APC: variants seen among roughly 807,000 people sequenced by gnomAD.
APC encodes adenomatous polyposis coli protein.
A neutral mutation model predicts 247.0 loss-of-function variants in APC; 72 were observed. The observed-to-expected ratio is 0.29, with a 90% CI of 0.24 to 0.35. APC has a LOEUF of 0.35. APC is among the 10% of genes least tolerant of loss of function. The pLI is 1.00. For missense variants in APC, 3,400 were observed against 3,360.7 expected (o/e 1.01, Z -0.29); for synonymous variants, 1,254 against 1,162.5 (o/e 1.08, Z -1.60).
At position 112,784,892 on chromosome 5, in the gene APC, C is replaced by G. The variant is rs138744960; in HGVS notation, c.645+3989C>G. ...CCTGTAATCCCAGCACTTTGGGAGG[C>G]TGACGCAAGAGGATCACAAGTTAGC... On this transcript the variant is annotated intron_variant, in intron 6 of 15. Transcript: ENST00000257430. Among the ~76,000 whole-genome samples the G allele has an allele frequency of 4.4e-3, 671 of 152,218 alleles. 7 individuals carry two copies. Among genetic ancestry groups the G allele is most frequent in the African/African-American group, 0.016 (648 of 41,512 alleles).
At chr5:112,756,409 T>A (rs1014021463) in intron 2 of APC, among the ~76,000 whole-genome samples, 2 of 152,240 alleles carry the variant, frequency 1.3e-5, no homozygotes, top group Non-Finnish European at 2.9e-5. Flanking sequence ...TAAAAAGACT[T>A]GCATTAGTTG....
At chr5:112,807,907 C>T (rs1034365036) in intron 8 of APC, among the ~76,000 whole-genome samples, 1 of 152,170 alleles carries the variant, frequency 6.6e-6, no homozygotes, top group Non-Finnish European at 1.5e-5. Context: ...GTAATCTCAG[C>T]ATTTCCAGAG....
At chr5:112,831,782 A>G (rs78105814) in intron 14 of APC, among the ~76,000 whole-genome samples, 2,488 of 152,332 alleles carry the variant, frequency 0.016, 43 homozygotes, top group Non-Finnish European at 0.021. Context: ...GTTCTCTAGA[A>G]GAAGCCCAAT....
At chr5:112,749,302 G>C (rs904508610) in intron 1 of APC, among the ~76,000 whole-genome samples, 1 of 151,940 alleles carries the variant, frequency 6.6e-6, no homozygotes, top group African/African-American at 2.4e-5. Context: ...GGTTAGATTG[G>C]CTTCATGGAA....
intron 11 of APC, among the ~76,000 whole-genome samples, chr5:112,824,203 A>G (rs920005254): frequency 2.6e-5 from 4 of 152,218 alleles, no homozygotes; most frequent in African/African-American, 9.7e-5. Context: ...CTGTTTTCTA[A>G]CAGGCACCAA....
chr5:112,712,834 G>C (rs1362980688), intron 1 of APC, among the ~76,000 whole-genome samples: 1 of 152,080 alleles, frequency 6.6e-6, no homozygotes, highest in Non-Finnish European at 1.5e-5. Context: ...ATCTTGTTTA[G>C]TTAGGCCCCC....
At chr5:112,818,843 TTG>T in intron 9 of APC, 121 bp from the exon 10 acceptor site, 3 of 910,654 alleles carry the variant, frequency 3.3e-6, no homozygotes, top group Admixed American at 5.6e-5. Context: ...TGTTTTTTTT[TTG>T]GCGGGGGGGG....
rs1766425645 is a variant in APC at position 112,842,837 on chromosome 5, G to A, written c.7243G>A (p.Glu2415Lys). ...TGGTAATGGAGCCAATAAAAAGGTA[G>A]AACTTTCTAGAATGTCTTCAACTAA... is the stretch of plus-strand genomic sequence containing the variant. ...NNGNGANKKV[E>K]LSRMSSTKSS... Residue 2415 changes from glutamate to lysine, a missense_variant, in exon 16 of 16, where the codon GAA becomes AAA. Coordinates refer to ENST00000257430, the MANE Select transcript of APC (RefSeq NM_000038.6). 6.2e-7 allele frequency: 1 copy of A among 1,613,802 alleles called. No homozygotes were observed. Among genetic ancestry groups the A allele is most frequent in the Non-Finnish European group, 8.5e-7 (1 of 1,179,870 alleles).
At chr5:112,808,512 G>A (rs1479608594) in intron 8 of APC, among the ~76,000 whole-genome samples, 2 of 152,024 alleles carry the variant, frequency 1.3e-5, no homozygotes, top group Admixed American at 6.6e-5. Flanking sequence ...AGAGTGCAGT[G>A]GCAAAGCTCA....
Position 112,775,381 on chromosome 5 carries a change from G to A in APC, c.423-248G>A, listed in dbSNP as rs1757505770. On this transcript the variant is annotated intron_variant, in intron 4 of 15. Coordinates refer to ENST00000257430, the MANE Select transcript of APC (RefSeq NM_000038.6). The stretch of plus-strand genomic sequence containing the variant: ...ATATGAAGAAAGCCTTTGGTGAAGT[G>A]TAAGTATTCTTTTAAGGATGATTAC... 2.0e-5 allele frequency among the ~76,000 whole-genome samples: 3 copies of A among 152,028 alleles called. No homozygotes were observed. In the South Asian group the frequency reaches 6.2e-4, roughly 31 times the overall value.
intron 11 of APC, chr5:112,823,174 T>C (rs1056177009): frequency 6.6e-6 from 1 of 152,648 alleles, no homozygotes; most frequent in African/African-American, 2.4e-5. Flanking sequence ...AAACATTCAG[T>C]TTTAAGATAC....
At chr5:112,827,054 C>A (rs936345750) in intron 11 of APC, 54 bp from the exon 12 acceptor site, 1 of 1,581,032 alleles carries the variant, frequency 6.3e-7, no homozygotes, top group Admixed American at 1.7e-5. Flanking sequence ...AACTTGGTAC[C>A]AGTTTGTTTT....
intron 1 of APC, among the ~76,000 whole-genome samples, chr5:112,712,020 A>G (rs1388905563): frequency 1.3e-5 from 2 of 152,338 alleles, no homozygotes; most frequent in Non-Finnish European, 2.9e-5. Flanking sequence ...AACATAGATC[A>G]TGCTGCCAAA....
In APC at chr5:112,814,936, C is replaced by T. The variant is rs574925576; in HGVS notation, c.835-559C>T. 1.4e-3 allele frequency among the ~76,000 whole-genome samples: 214 copies of T among 152,332 alleles called. 3 individuals are homozygous for T. Among genetic ancestry groups the T allele is most frequent in the African/African-American group, 5.0e-3 (209 of 41,572 alleles). ...GATTTTATACAGCCTCTAATAGTCC[C>T]TATGCAGTAATTTCTTTCTTCCTGT... On this transcript the variant is annotated intron_variant, in intron 8 of 15. Transcript: ENST00000257430.
chr5:112,812,079 G>A (rs1762044191), intron 8 of APC, among the ~76,000 whole-genome samples: 1 of 152,182 alleles, frequency 6.6e-6, no homozygotes. Flanking sequence ...GAACAAGAGA[G>A]GTGCCCAAGA....
rs1410551734 is a variant in APC at position 112,844,267 on chromosome 5, C to T, written c.*141C>T. ...TGTTAGAGGGTTTTTGTTCTGGAAG[C>T]CATATTTGATAGTATACTTTGTCTT... On this transcript the variant is annotated 3_prime_UTR_variant, in exon 16 of 16. Coordinates refer to ENST00000257430, the MANE Select transcript of APC (RefSeq NM_000038.6). The T allele has an allele frequency of 6.2e-6, 5 of 805,296 alleles. No individual in the cohort carries two copies. Among genetic ancestry groups the T allele is most frequent in the Admixed American group, 5.5e-5 (2 of 36,664 alleles). 49.9% of individuals were successfully genotyped at this position (805,296 alleles called of 1,614,324 possible). A position where few individuals can be genotyped will look rare whatever the true frequency, so the allele number is the denominator to read the frequency against.
At chr5:112,772,306 G>T (rs1011675628) in intron 4 of APC, among the ~76,000 whole-genome samples, 1 of 152,102 alleles carries the variant, frequency 6.6e-6, no homozygotes, top group Non-Finnish European at 1.5e-5. Context: ...AACTGCTGTT[G>T]TGTGAGTCAC....
At chr5:112,823,382 C>T (rs1478997280) in intron 11 of APC, 1 of 152,644 alleles carries the variant, frequency 6.6e-6, no homozygotes, top group African/African-American at 2.4e-5. Flanking sequence ...GATGGGGCCT[C>T]TGGGGGTGTG....
chr5:112,735,152 A>G (rs1351696611), upstream of APC, among the ~76,000 whole-genome samples: 1 of 152,102 alleles, frequency 6.6e-6, no homozygotes, highest in Non-Finnish European at 1.5e-5. Context: ...GTGTTACACA[A>G]TTTATTTCTG....
Sources: gnomAD v4.1 joint callset for allele counts (sites outside exome capture counted in the v4.1 genomes callset) on GRCh38, gnomAD v4.1.1 for gene constraint, MANE v1.5 for transcripts, NCBI Gene and HGNC (gene_info 2026-07-23, HGNC 2026-07-21) for gene names.